ASB14: variants seen among roughly 807,000 people sequenced by gnomAD.
ASB14 encodes ankyrin repeat and SOCS box protein 14.
A neutral mutation model predicts 55.6 loss-of-function variants in ASB14; 63 were observed. That is an observed-to-expected ratio of 1.13 (90% CI 0.92 to 1.40). The LOEUF is 1.40. Ranked by LOEUF, ASB14 falls within the 40% of genes most tolerant of loss-of-function variation. The pLI, the probability that ASB14 is intolerant of heterozygous loss-of-function variation, is 0.00. For synonymous variants in ASB14, 256 were observed against 259.9 expected, an observed-to-expected ratio of 0.98 and a Z score of 0.15; for missense variants, 724 against 710.4, an observed-to-expected ratio of 1.02 and a Z score of -0.22.
intron 7 of ASB14, among the ~76,000 whole-genome samples, chr3:57,279,264 CTTTTTTTTTTTT>C (rs869152915): frequency 1.6e-4 from 14 of 88,080 alleles, no homozygotes; most frequent in Non-Finnish European, 2.4e-4. Context: ...AAGAGTTTTT[CTTTTTTTTTTTT>C]TTTTTTTTTT....
At chr3:57,288,347 T>C in intron 3 of ASB14, 61 bp from the exon 4 acceptor site, 9 of 1,488,680 alleles carry the variant, frequency 6.0e-6, no homozygotes, top group African/African-American at 5.6e-5. Context: ...AAGCCCATAT[T>C]GCTTCCTGAA....
intron 5 of ASB14, among the ~76,000 whole-genome samples, chr3:57,284,094 A>ATGTGTGTGTGTGTGTATGTG (rs2061061187): frequency 7.3e-6 from 1 of 136,488 alleles, no homozygotes; most frequent in Non-Finnish European, 1.5e-5. Context: ...AACACTGTGT[A>ATGTGTGTGTGTGTGTATGTG]TGTGTGTGTG....
chr3:57,279,261 TTTC>T lies in ASB14; in HGVS notation c.888-344_888-342del, dbSNP rs369413739. The stretch of plus-strand genomic sequence containing the variant: ...AGTTCTTCCTAGTTGGTCAAGAGTT[TTTC>T]TTTTTTTTTTTTTTTTTTTTTTTTT... On this transcript the variant is annotated intron_variant, in intron 7 of 10. Transcript: ENST00000487349. Among the ~76,000 whole-genome samples, 35 of 103,336 alleles carry T rather than the reference TTTC, an allele frequency of 3.4e-4. No individual in the cohort carries two copies. The East Asian group carries it at 0.011, about 34-fold the overall frequency. 67.8% of individuals were successfully genotyped at this position (103,336 alleles called of 152,430 possible).
At chr3:57,283,162 T>C (rs1199264477) in intron 6 of ASB14, 32 bp downstream of exon 6, 3 of 1,550,774 alleles carry the variant, frequency 1.9e-6, no homozygotes, top group East Asian at 2.4e-5. Flanking sequence ...TGTTACCCTT[T>C]GTTAGTGTGC....
At chr3:57,284,519 C>G (rs1559523463) in intron 5 of ASB14, among the ~76,000 whole-genome samples, 1 of 152,152 alleles carries the variant, frequency 6.6e-6, no homozygotes, top group Non-Finnish European at 1.5e-5. Flanking sequence ...ATTTGCTTAA[C>G]TTTTTAACCC....
chr3:57,288,285 A>G lies in ASB14; in HGVS notation c.180T>C (p.Gly60=). The change falls in exon 4 of 11, where the codon GGT becomes GGC. Residue 60 remains glycine (G), a splice_region_variant and synonymous_variant. Coordinates refer to ENST00000487349, the MANE Select transcript of ASB14 (RefSeq NM_001142733.3). ...YKKIVETIEK[G]KEDALSHLTK... is the part of the protein sequence containing the mutation. ...TTAAGTGTGACAATGCATCTTCCTT[A>G]CCTATTAACGAGTCAAATGAGAACA... is the stretch of plus-strand genomic sequence containing the variant. 1 of 1,537,168 alleles carries G rather than the reference A, an allele frequency of 6.5e-7. No individual in the cohort carries two copies. The highest frequency in any genetic ancestry group is 8.7e-7 in the Non-Finnish European group (1 of 1,146,730).
intron 6 of ASB14, 110 bp from the exon 7 acceptor site, chr3:57,280,583 C>T (rs772151629): frequency 1.4e-4 from 117 of 840,904 alleles, no homozygotes; most frequent in Non-Finnish European, 1.9e-4. Flanking sequence ...AGCACGCACT[C>T]TAGCAAAGCA....
intron 6 of ASB14, among the ~76,000 whole-genome samples, chr3:57,282,124 C>G (rs1439355353): frequency 6.6e-6 from 1 of 152,130 alleles, no homozygotes; most frequent in Admixed American, 6.6e-5. Flanking sequence ...TTAGACATTT[C>G]TTATATTGAT....
At chr3:57,280,280 T>C in intron 7 of ASB14, 22 bp downstream of exon 7, 1 of 1,492,528 alleles carries the variant, frequency 6.7e-7, no homozygotes, top group Non-Finnish European at 9.0e-7. Flanking sequence ...TTATTATTTA[T>C]AATAATGTAA....
At chr3:57,278,060 GT>G in intron 8 of ASB14, 140 bp from the exon 9 acceptor site, 1 of 718,928 alleles carries the variant, frequency 1.4e-6, no homozygotes, top group African/African-American at 1.8e-5. Flanking sequence ...GATGGTAGTG[GT>G]CAACTGTACT....
At position 57,276,468 on chromosome 3, in the gene ASB14, A is replaced by G. The variant is rs1267881709; in HGVS notation, c.*22+60T>C. 8 of 1,308,978 alleles carry G rather than the reference A, an allele frequency of 6.1e-6. No homozygotes were observed. The East Asian group carries it at 1.7e-4, about 27-fold the overall frequency. The allele number at this position is 1,308,978 out of a possible 1,614,324, so 81.1% of individuals were successfully genotyped here. On this transcript the variant is annotated intron_variant, in intron 10 of 10. Coordinates refer to ENST00000487349, the MANE Select transcript of ASB14 (RefSeq NM_001142733.3). ...CATTGAGATTTTAGTTGGTGGGTAAAGCAAAAAATATGAATCATACATAAG... is the reference window on the plus strand; with the variant it reads ...CATTGAGATTTTAGTTGGTGGGTAAGGCAAAAAATATGAATCATACATAAG...
Position 57,287,888 on chromosome 3 carries a change from T to G in ASB14, c.469+13A>C, listed in dbSNP as rs883244. ...GTGCCACAGACTCTTTCAGAAACAA[T>G]GTATTCATTTACCTGCAAGAAGAGG... On this transcript the variant is annotated intron_variant, in intron 5 of 10. Coordinates refer to ENST00000487349, the MANE Select transcript of ASB14 (RefSeq NM_001142733.3). 0.64 allele frequency: 976,871 copies of G among 1,535,568 alleles called. 314,136 individuals carry two copies. The highest frequency in any genetic ancestry group is 0.92 in the East Asian group (37,445 of 40,890).
intron 6 of ASB14, among the ~76,000 whole-genome samples, chr3:57,282,182 C>G (rs2061045661): frequency 6.6e-6 from 1 of 152,116 alleles, no homozygotes; most frequent in Non-Finnish European, 1.5e-5. Flanking sequence ...TGATTAGCAA[C>G]TAGCCTCCCC....
chr3:57,285,724 C>A (rs1351186671), intron 5 of ASB14, among the ~76,000 whole-genome samples: 1 of 152,120 alleles, frequency 6.6e-6, no homozygotes, highest in Admixed American at 6.6e-5. Flanking sequence ...CTGTCTACAT[C>A]TCCCTTCAAG....
intron 5 of ASB14, among the ~76,000 whole-genome samples, chr3:57,284,094 ATGTGTGTGTG>A (rs147304310): frequency 1.5e-5 from 2 of 136,546 alleles, no homozygotes; most frequent in South Asian, 2.4e-4. Flanking sequence ...AACACTGTGT[ATGTGTGTGTG>A]TGTGTGTGTG....
In ASB14 at chr3:57,268,558, A is replaced by C; in HGVS notation, c.*1083T>G. 1.4e-6 allele frequency: 2 copies of C among 1,463,454 alleles called. No homozygotes were observed. The highest frequency in any genetic ancestry group is 1.8e-6 in the Non-Finnish European group (2 of 1,106,172). The allele number at this position is 1,463,454 out of a possible 1,614,324, so 90.7% of individuals were successfully genotyped here. On this transcript the variant is annotated 3_prime_UTR_variant, in exon 11 of 11. Coordinates refer to ENST00000487349, the MANE Select transcript of ASB14 (RefSeq NM_001142733.3). The stretch of plus-strand genomic sequence containing the variant: ...CTTAATTCAGCACTATGACTTTCAG[A>C]TTTGAATTTCCAAATGAAGGGCTGT...
chr3:57,280,307 G>A lies in ASB14; in HGVS notation c.882C>T (p.His294=), dbSNP rs1168568580. 1 of 1,545,144 alleles carries A rather than the reference G, an allele frequency of 6.5e-7. No individual in the cohort carries two copies. Among genetic ancestry groups the A allele is most frequent in the Non-Finnish European group, 8.7e-7 (1 of 1,142,978 alleles). The stretch of plus-strand genomic sequence containing the variant: ...ATAATGTAATTGAACTTAACAGTAA[G>A]TGGCCCCTGTCAGCTGCCACATGGA... ...LPIHVAADRG[H]LLALKILIPV... Residue 294 remains histidine (H), a synonymous_variant, in exon 7 of 11, where the codon CAC becomes CAT. Coordinates refer to ENST00000487349, the MANE Select transcript of ASB14 (RefSeq NM_001142733.3).
intron 1 of ASB14, 96 bp from the exon 2 acceptor site, chr3:57,292,200 A>C (rs2061138060): frequency 2.2e-6 from 2 of 908,168 alleles, no homozygotes; most frequent in Middle Eastern, 4.0e-4. Context: ...TATTCACTAA[A>C]AAATTTCTAT....
Position 57,291,974 on chromosome 3 carries a change from A to T in ASB14, c.60T>A (p.Ile20=). The T allele has an allele frequency of 6.5e-7, 1 of 1,536,060 alleles. No homozygotes were observed. The highest frequency in any genetic ancestry group is 8.7e-7 in the Non-Finnish European group (1 of 1,145,708). Residue 20 remains isoleucine, a synonymous_variant, in exon 2 of 11, where the codon ATT becomes ATA. Transcript: ENST00000487349. ...TATAAATATCCTGCAAACTCTGTTGAATGATGAGCTGGGTGTCAAAGTCTT... is the reference window on the plus strand; with the variant it reads ...TATAAATATCCTGCAAACTCTGTTGTATGATGAGCTGGGTGTCAAAGTCTT... ...IDEDFDTQLI[I]QQSLQDIYKP...
Sources: allele counts gnomAD v4.1 joint callset (sites outside exome capture counted in the v4.1 genomes callset), GRCh38; gene constraint gnomAD v4.1.1; transcripts MANE v1.5; gene names NCBI Gene and HGNC (gene_info 2026-07-23, HGNC 2026-07-21).